Variants in MYH6 observed in about 807,000 individuals in gnomAD.
The protein encoded by MYH6 is myosin heavy chain 6.
In MYH6, 126 loss-of-function variants were observed where a neutral mutation model predicts 223.2. The observed-to-expected ratio is 0.56, with a 90% CI of 0.49 to 0.65. The LOEUF (loss-of-function observed/expected upper bound fraction) is 0.65. MYH6 is among the 30% of genes least tolerant of loss of function. The pLI, the probability that MYH6 is intolerant of heterozygous loss-of-function variation, is 0.00. For missense variants in MYH6, 2,040 were observed against 2,536.4 expected (o/e 0.80, Z 4.20); for synonymous variants, 978 against 1,010.2 (o/e 0.97, Z 0.61).
chr14:23,385,995 C>A lies in MYH6; in HGVS notation c.5096G>T (p.Arg1699Leu). ...CTCCTGCTCCGCCAGCTTCCGGGACCGCTCTGTCTGCTCCACCACGGCACG... is the reference window on the plus strand; with the variant it reads ...CTCCTGCTCCGCCAGCTTCCGGGACAGCTCTGTCTGCTCCACCACGGCACG... ...ELRAVVEQTE[R>L]SRKLAEQELI... Residue 1699 changes from arginine (R) to leucine (L), a missense_variant, in exon 34 of 39, where the codon CGG (arginine) becomes CTG (leucine). By Grantham distance (102) the Arg-to-Leu change is moderately radical. Transcript: ENST00000405093. 2.5e-6 allele frequency: 4 copies of A among 1,614,224 alleles called. No homozygotes were observed. Among genetic ancestry groups the A allele is most frequent in the Non-Finnish European group, 3.4e-6 (4 of 1,180,042 alleles).
intron 36 of MYH6, among the ~76,000 whole-genome samples, chr14:23,384,050 G>C (rs1878433699): frequency 6.6e-6 from 1 of 152,086 alleles, no homozygotes; most frequent in African/African-American, 2.4e-5. Flanking sequence ...CTCTTTCTCT[G>C]TGGCCTTCTC....
At position 23,387,933 on chromosome 14, in the gene MYH6, G is replaced by T. The variant is rs1205116523; in HGVS notation, c.4360-10C>A. 1.9e-6 allele frequency: 3 copies of T among 1,613,068 alleles called. No individual in the cohort carries two copies. The South Asian group carries it at 3.3e-5, about 18-fold the overall frequency. ...TCCACTCGGCCAGGATCTGCCCGGG[G>T]ACAAGGCTCACTCTTCAGCCCCCCA... On this transcript the variant is annotated splice_polypyrimidine_tract_variant and intron_variant, in intron 30 of 38. Coordinates refer to ENST00000405093, the MANE Select transcript of MYH6 (RefSeq NM_002471.4).
In MYH6 at chr14:23,404,836, A is replaced by G; in HGVS notation, c.531-14T>C. On this transcript the variant is annotated splice_polypyrimidine_tract_variant and intron_variant, in intron 6 of 38. Coordinates refer to ENST00000405093, the MANE Select transcript of MYH6 (RefSeq NM_002471.4). The stretch of plus-strand genomic sequence containing the variant: ...CCGGATTCTCCCCTGGGGGCCACAG[A>G]GACCAATCAAAACTCAGGATTCCTA... The G allele has an allele frequency of 1.9e-6, 3 of 1,610,138 alleles. No individual in the cohort carries two copies. The highest frequency in any genetic ancestry group is 2.6e-6 in the Non-Finnish European group (3 of 1,176,404).
intron 36 of MYH6, among the ~76,000 whole-genome samples, chr14:23,383,610 C>G (rs1250109913): frequency 1.3e-5 from 2 of 152,160 alleles, no homozygotes; most frequent in Non-Finnish European, 2.9e-5. Context: ...TATAAAAGCA[C>G]CAGGTCTGTT....
chr14:23,394,230 C>G lies in MYH6; in HGVS notation c.2523G>C (p.Leu841=). Residue 841 remains leucine (L), a synonymous_variant, in exon 21 of 39, where the codon CTG becomes CTC. Transcript: ENST00000405093. ...WMKLYFKIKP[L]LKSAETEKEM... is the part of the protein sequence containing the mutation. ...CCTTCTCCGTCTCTGCGCTCTTCAG[C>G]AGCGGCTTGATCTTGAAGTAGAGCT... The G allele has an allele frequency of 6.2e-7, 1 of 1,614,242 alleles. No homozygotes were observed. The highest frequency in any genetic ancestry group is 1.7e-5 in the Admixed American group (1 of 60,026).
Position 23,382,129 on chromosome 14 carries a change from C to A in MYH6, c.5797-66G>T, listed in dbSNP as rs566958214. ...AGGGAGAAGTGTGTGGGGACAAATC[C>A]CTGGGGCTTTCAGAGGCCTAAGGGA... On this transcript the variant is annotated intron_variant, in intron 38 of 38. Transcript: ENST00000405093. 2.4e-5 allele frequency: 36 copies of A among 1,484,992 alleles called. 1 individual carries two copies. The South Asian group carries it at 3.7e-4, about 15-fold the overall frequency. 92.0% of individuals were successfully genotyped at this position (1,484,992 alleles called of 1,614,324 possible).
chr14:23,397,980 T>C (rs974938512), intron 15 of MYH6, among the ~76,000 whole-genome samples: 21 of 140,262 alleles, frequency 1.5e-4, no homozygotes, highest in African/African-American at 5.7e-4. Context: ...CTTCTTCTTC[T>C]TCTTCTTCTT....
Position 23,407,174 on chromosome 14 carries a change from C to T in MYH6, c.50G>A (p.Arg17His), listed in dbSNP as rs746646172. ...ADFGAAAQYL[R>H]KSEKERLEAQ... The stretch of plus-strand genomic sequence containing the variant: ...CTCTAGACGCTCCTTCTCTGACTTG[C>T]GGAGGTACTGGGCCGCTGCCCCAAA... Residue 17 changes from arginine to histidine, a missense_variant, in exon 3 of 39, where the codon CGC (arginine) becomes CAC (histidine). Arg to His is a conservative substitution (Grantham distance 29). Coordinates refer to ENST00000405093, the MANE Select transcript of MYH6 (RefSeq NM_002471.4). The surrounding 1 kb of genome is among the most constrained non-coding windows in gnomAD (Gnocchi z 5.6). 17 of 1,614,130 alleles carry T rather than the reference C, an allele frequency of 1.1e-5. No individual in the cohort carries two copies. Among genetic ancestry groups the T allele is most frequent in the Admixed American group, 3.3e-5 (2 of 60,012 alleles).
chr14:23,397,427 A>T, intron 16 of MYH6, 116 bp downstream of exon 16: 1 of 1,362,392 alleles, frequency 7.3e-7, no homozygotes, highest in Non-Finnish European at 1.0e-6. Context: ...AAAAACGACT[A>T]CGTAGCCCTA....
chr14:23,403,646 C>T, intron 9 of MYH6, 69 bp downstream of exon 9: 1 of 1,449,956 alleles, frequency 6.9e-7, no homozygotes, highest in East Asian at 2.3e-5. Flanking sequence ...AATGATGAGA[C>T]TGGCCGCCAG....
At chr14:23,392,202 GA>G (rs574241311) in intron 25 of MYH6, among the ~76,000 whole-genome samples, 165 of 151,618 alleles carry the variant, frequency 1.1e-3, no homozygotes, top group African/African-American at 3.7e-3. Flanking sequence ...GGTGCTCCTT[GA>G]AGCCTTTTTT....
chr14:23,389,345 G>A (rs373191924), intron 28 of MYH6, 48 bp downstream of exon 28: 8 of 1,585,676 alleles, frequency 5.0e-6, no homozygotes, highest in Non-Finnish European at 6.9e-6. Flanking sequence ...GAGATGAATT[G>A]CCCCAGGGCT....
At chr14:23,385,251 A>C (rs1890986153) in intron 34 of MYH6, among the ~76,000 whole-genome samples, 1 of 151,974 alleles carries the variant, frequency 6.6e-6, no homozygotes, top group Admixed American at 6.6e-5. Flanking sequence ...TAAACTCTGA[A>C]AAAAGACTTC....
At position 23,396,695 on chromosome 14, in the gene MYH6, T is replaced by G. The variant is rs780492748; in HGVS notation, c.2291A>C (p.Lys764Thr). The change falls in exon 19 of 39, where the codon AAG (lysine) becomes ACG (threonine). Residue 764 changes from lysine to threonine, a missense_variant and splice_region_variant. Physicochemically the swap from Lys to Thr is moderately conservative, Grantham distance 78. Transcript: ENST00000405093. ...DHNQYKFGHT[K>T]VFFKAGLLGL... Reference sequence around the variant, plus strand: ...CACCCAGTGGGGCTCTAGACTCACCTTGGTGTGGCCAAACTTGTACTGGTT... The same window carrying G: ...CACCCAGTGGGGCTCTAGACTCACCGTGGTGTGGCCAAACTTGTACTGGTT... 1.2e-6 allele frequency: 2 copies of G among 1,613,920 alleles called. No homozygotes were observed. The highest frequency in any genetic ancestry group is 2.2e-5 in the South Asian group (2 of 91,084).
At position 23,381,997 on chromosome 14, in the gene MYH6, A is replaced by G. The variant is rs991189109; in HGVS notation, c.*43T>C. On this transcript the variant is annotated 3_prime_UTR_variant, in exon 39 of 39. Transcript: ENST00000405093. ...TGGGCTCAGGCAGAGTTTGGCACTC[A>G]TATTTATTACAGGTTGGCAAGAGTG... 1 of 1,614,142 alleles carries G rather than the reference A, an allele frequency of 6.2e-7. No homozygotes were observed. The highest frequency in any genetic ancestry group is 8.5e-7 in the Non-Finnish European group (1 of 1,179,998).
Position 23,393,371 on chromosome 14 carries a change from T to G in MYH6, c.3076A>C (p.Lys1026Gln). ...TCCACCTGCTGCTCCAGCTTGACCTTAGACTTGGACAGGCTGTTGACCTTG... is the reference window on the plus strand; with the variant it reads ...TCCACCTGCTGCTCCAGCTTGACCTGAGACTTGGACAGGCTGTTGACCTTG... ...EDKVNSLSKS[K>Q]VKLEQQVDDL... The change falls in exon 23 of 39, where the codon AAG becomes CAG. Residue 1026 changes from lysine (K) to glutamine (Q), a missense_variant. By Grantham distance (53) the Lys-to-Gln change is moderately conservative. This residue lies in a region of MYH6 where 1,203 missense variants were observed against 1,400.2 expected (regional missense o/e 0.86). Transcript: ENST00000405093. The G allele has an allele frequency of 6.2e-7, 1 of 1,614,222 alleles. No individual in the cohort carries two copies. The highest frequency in any genetic ancestry group is 8.5e-7 in the Non-Finnish European group (1 of 1,180,042).
intron 10 of MYH6, 116 bp downstream of exon 10, chr14:23,403,232 G>A (rs988995064): frequency 2.6e-5 from 23 of 883,246 alleles, no homozygotes; most frequent in Non-Finnish European, 4.4e-5. Flanking sequence ...AGGGAGAAGG[G>A]AAGTGAGCAG....
intron 34 of MYH6, among the ~76,000 whole-genome samples, chr14:23,385,426 G>C (rs555041074): frequency 6.7e-6 from 1 of 150,062 alleles, no homozygotes; most frequent in African/African-American, 2.5e-5. Context: ...AAGAGGGGAT[G>C]AGGTAAGTGG....
In MYH6 at chr14:23,399,879, G is replaced by A. The variant is rs1356581556; in HGVS notation, c.1581+377C>T. On this transcript the variant is annotated intron_variant, in intron 14 of 38. Coordinates refer to ENST00000405093, the MANE Select transcript of MYH6 (RefSeq NM_002471.4). ...TTCTGAGGAATGCCCATAAGCAAGA[G>A]GGCTGGAGACTGGCTTATTTCTCAA... 7 of 345,102 alleles carry A rather than the reference G, an allele frequency of 2.0e-5. No individual in the cohort carries two copies. The East Asian group carries it at 2.2e-4, about 11-fold the overall frequency. The allele number at this position is 345,102 out of a possible 1,614,324, so 21.4% of individuals were successfully genotyped here.
Sources: allele counts gnomAD v4.1 joint callset (sites outside exome capture counted in the v4.1 genomes callset), GRCh38; gene constraint gnomAD v4.1.1; regional missense constraint gnomAD v4.1.1; non-coding constraint Gnocchi (gnomAD v3.1); transcripts MANE v1.5; gene names NCBI Gene and HGNC (gene_info 2026-07-23, HGNC 2026-07-21).